ECPAS: variants seen among roughly 807,000 people sequenced by gnomAD.
ECPAS encodes the protein Ecm29 proteasome adaptor and scaffold.
In ECPAS, 70 loss-of-function variants were observed where a neutral mutation model predicts 255.1. The ratio of observed to expected loss-of-function variants is 0.27; its 90% CI spans 0.23 to 0.33. The LOEUF (loss-of-function observed/expected upper bound fraction) is 0.33. Ranked by LOEUF, ECPAS falls within the 10% of genes least tolerant of loss-of-function variation. The pLI, the probability that ECPAS is intolerant of heterozygous loss-of-function variation, is 1.00. For synonymous variants in ECPAS, 784 were observed against 775.0 expected, an observed-to-expected ratio of 1.01 and a Z score of -0.19; for missense variants, 1,817 against 2,206.4, an observed-to-expected ratio of 0.82 and a Z score of 3.54.
Position 111,469,615 on chromosome 9 carries a change from C to T in ECPAS, c.22+3282G>A, listed in dbSNP as rs201800445. On this transcript the variant is annotated intron_variant, in intron 2 of 49. Transcript: ENST00000684092. ...CACAAGGTCAGGAGATCGAGACCACCCTGGTTAACACAGTGAAACCCCATC... is the reference window on the plus strand; with the variant it reads ...CACAAGGTCAGGAGATCGAGACCACTCTGGTTAACACAGTGAAACCCCATC... Among the ~76,000 whole-genome samples, 9 of 151,926 alleles carry T rather than the reference C, an allele frequency of 5.9e-5. No individual in the cohort carries two copies. The East Asian group carries it at 1.7e-3, about 29-fold the overall frequency.
intron 3 of ECPAS, 98 bp from the exon 4 acceptor site, chr9:111,444,592 A>G: frequency 1.3e-6 from 1 of 764,656 alleles, no homozygotes; most frequent in South Asian, 1.8e-5. Flanking sequence ...GTTAGTGAAT[A>G]GTAGCTACTT....
In ECPAS at chr9:111,473,477, T is replaced by A. The variant is rs535688893; in HGVS notation, c.-82-477A>T. Reference sequence around the variant, plus strand: ...CGCTGACCTCTCTTAGCACTCTTCATCTCCTTTCTCTGATTATCTTCCTCT... The same window carrying A: ...CGCTGACCTCTCTTAGCACTCTTCAACTCCTTTCTCTGATTATCTTCCTCT... On this transcript the variant is annotated intron_variant, in intron 1 of 49. Coordinates refer to ENST00000684092, the MANE Select transcript of ECPAS (RefSeq NM_001364929.1). 4.9e-4 allele frequency among the ~76,000 whole-genome samples: 74 copies of A among 152,218 alleles called. No individual in the cohort carries two copies. In the Middle Eastern group the frequency reaches 0.014, roughly 28 times the overall value.
At chr9:111,424,618 T>C (rs2098218793) in intron 12 of ECPAS, among the ~76,000 whole-genome samples, 1 of 152,206 alleles carries the variant, frequency 6.6e-6, no homozygotes, top group African/African-American at 2.4e-5. Flanking sequence ...TCATCCCATT[T>C]AGCTTAAGGA....
At chr9:111,363,310 C>T (rs1392178904) in intron 49 of ECPAS, among the ~76,000 whole-genome samples, 2 of 152,016 alleles carry the variant, frequency 1.3e-5, no homozygotes, top group East Asian at 3.9e-4. Context: ...TGTAATTAAC[C>T]AAGATTAAAT....
chr9:111,395,106 T>G (rs1183728921), intron 25 of ECPAS, among the ~76,000 whole-genome samples: 2 of 152,150 alleles, frequency 1.3e-5, no homozygotes, highest in East Asian at 3.9e-4. Flanking sequence ...CCTCCGCCCC[T>G]TGTCCCTTCA....
chr9:111,385,214 G>T, intron 33 of ECPAS, 123 bp downstream of exon 33: 1 of 601,332 alleles, frequency 1.7e-6, no homozygotes, highest in Non-Finnish European at 2.9e-6. Context: ...CTGAAACTTT[G>T]GGGGAAAACG....
chr9:111,463,816 A>T (rs1165243024), intron 2 of ECPAS, among the ~76,000 whole-genome samples: 1 of 152,046 alleles, frequency 6.6e-6, no homozygotes, highest in Non-Finnish European at 1.5e-5. Context: ...CAAACCAAGA[A>T]CTCTGGTCCA....
chr9:111,471,892 C>G (rs1180149230), intron 2 of ECPAS, among the ~76,000 whole-genome samples: 1 of 151,930 alleles, frequency 6.6e-6, no homozygotes, highest in Admixed American at 6.6e-5. Flanking sequence ...AGCTTGAGCT[C>G]AGGAGTTCCA....
At chr9:111,481,463 G>C (rs1008476818) in intron 1 of ECPAS, among the ~76,000 whole-genome samples, 1 of 151,980 alleles carries the variant, frequency 6.6e-6, no homozygotes, top group Non-Finnish European at 1.5e-5. Flanking sequence ...CGGAGATCGC[G>C]CCACTGCACT....
intron 29 of ECPAS, among the ~76,000 whole-genome samples, chr9:111,390,909 T>A (rs549764314): frequency 3.3e-5 from 5 of 152,330 alleles, no homozygotes; most frequent in African/African-American, 4.8e-5. Flanking sequence ...CTAGCTATGC[T>A]TCCAGGTGTT....
At chr9:111,372,199 T>C (rs1433000023) in intron 42 of ECPAS, among the ~76,000 whole-genome samples, 1 of 152,180 alleles carries the variant, frequency 6.6e-6, no homozygotes, top group Non-Finnish European at 1.5e-5. Context: ...ATGTGGGCAG[T>C]GATGAATGAG....
intron 1 of ECPAS, among the ~76,000 whole-genome samples, chr9:111,474,836 T>C (rs1247526279): frequency 1.3e-5 from 2 of 152,234 alleles, no homozygotes; most frequent in East Asian, 3.8e-4. Flanking sequence ...AAACTGAGAC[T>C]TGCAAAGGTA....
intron 2 of ECPAS, among the ~76,000 whole-genome samples, chr9:111,452,464 G>C (rs1285688920): frequency 3.3e-5 from 5 of 152,032 alleles, no homozygotes; most frequent in African/African-American, 1.2e-4. Context: ...TTTTTTTAGA[G>C]ATAAAGATGG....
chr9:111,462,440 T>G (rs1020459863), intron 2 of ECPAS, among the ~76,000 whole-genome samples: 1 of 152,024 alleles, frequency 6.6e-6, no homozygotes, highest in Non-Finnish European at 1.5e-5. Flanking sequence ...AATATGGAAG[T>G]AGGAGATACT....
At chr9:111,434,367 T>C (rs1179623608) in intron 7 of ECPAS, among the ~76,000 whole-genome samples, 1 of 152,172 alleles carries the variant, frequency 6.6e-6, no homozygotes, top group Non-Finnish European at 1.5e-5. Flanking sequence ...TGTCCATCAA[T>C]AGGAGACTGG....
At chr9:111,441,386 T>C (rs1478236659) in intron 5 of ECPAS, among the ~76,000 whole-genome samples, 1 of 151,528 alleles carries the variant, frequency 6.6e-6, no homozygotes, top group Non-Finnish European at 1.5e-5. Context: ...GCATCTGTAA[T>C]CTCAGCTACT....
chr9:111,466,326 T>C (rs1398442422), intron 2 of ECPAS, among the ~76,000 whole-genome samples: 1 of 151,886 alleles, frequency 6.6e-6, no homozygotes, highest in Non-Finnish European at 1.5e-5. Context: ...GCATCTGTAA[T>C]CCCAGCTACT....
rs1277185212 is a variant in ECPAS at position 111,477,248 on chromosome 9, A to ACAGGTG, written c.-82-4254_-82-4249dup. ...CTCAGCCTCCCAAGAAGCTGGGACT[A>ACAGGTG]CAGGTGCACGTCCCAACACCCGGCT... On this transcript the variant is annotated intron_variant, in intron 1 of 49. Coordinates refer to ENST00000684092, the MANE Select transcript of ECPAS (RefSeq NM_001364929.1). 1.3e-5 allele frequency among the ~76,000 whole-genome samples: 2 copies of ACAGGTG among 151,920 alleles called. 1 individual carries two copies. The highest frequency in any genetic ancestry group is 1.3e-4 in the Admixed American group (2 of 15,256).
In ECPAS at chr9:111,378,721, G is replaced by A. The variant is rs1321444164; in HGVS notation, c.3813C>T (p.Thr1271=). ...VTEVRALSIN[T]LVKISKSAGA... ...CTGCACTTTTGCTGATCTTCACAAG[G>A]GTGTTAATGCTACAAACATATGGAA... Residue 1271 remains threonine (T), a synonymous_variant, in exon 36 of 50, where the codon ACC becomes ACT. Transcript: ENST00000684092. The A allele has an allele frequency of 6.2e-7, 1 of 1,611,522 alleles. No homozygotes were observed. Among genetic ancestry groups the A allele is most frequent in the Non-Finnish European group, 8.5e-7 (1 of 1,178,310 alleles).
Sources: allele counts gnomAD v4.1 joint callset (sites outside exome capture counted in the v4.1 genomes callset), GRCh38; gene constraint gnomAD v4.1.1; transcripts MANE v1.5; gene names NCBI Gene and HGNC (gene_info 2026-07-23, HGNC 2026-07-21).